NKAIN2: variants seen among roughly 807,000 people sequenced by gnomAD.
The protein encoded by NKAIN2 is sodium/potassium-transporting ATPase subunit beta-1-interacting protein 2.
NKAIN2 carries 14 observed loss-of-function variants against 32.6 expected under a neutral mutation model. That is an observed-to-expected ratio of 0.43 (90% confidence interval 0.28 to 0.67). The LOEUF (loss-of-function observed/expected upper bound fraction) is 0.67, where lower values mean the gene tolerates loss of function less well. Among genes scored for constraint, NKAIN2 ranks in the 30% least tolerant of loss-of-function variants. The pLI, the probability that NKAIN2 is intolerant of heterozygous loss-of-function variation, is 0.17. For synonymous variants in NKAIN2, 80 were observed against 87.2 expected (o/e 0.92, Z 0.46); for missense variants, 198 against 258.3 (o/e 0.77, Z 1.60).
chr6:124,602,221 T>C (rs1057102378), intron 3 of NKAIN2, among the ~76,000 whole-genome samples: 1 of 152,014 alleles, frequency 6.6e-6, no homozygotes, highest in Non-Finnish European at 1.5e-5. Flanking sequence ...TAAACAGAGC[T>C]TCTATCAGTC....
intron 3 of NKAIN2, among the ~76,000 whole-genome samples, chr6:124,489,589 T>G (rs1345368329): frequency 1.3e-5 from 2 of 151,912 alleles, no homozygotes; most frequent in Non-Finnish European, 2.9e-5. Context: ...CAGAAACCTA[T>G]TTTATAATGC....
At position 124,209,115 on chromosome 6, in the gene NKAIN2, C is replaced by T. The variant is rs908441881; in HGVS notation, c.55-73890C>T. On this transcript the variant is annotated intron_variant, in intron 1 of 6. Transcript: ENST00000368417. ...CCAAGAATCATCCCCACTTTATACC[C>T]GCCTCGCCGCTACTCTTCAGAGCCT... Among the ~76,000 whole-genome samples, 67 of 151,252 alleles carry T rather than the reference C, an allele frequency of 4.4e-4. 1 individual carries two copies. The highest frequency in any genetic ancestry group is 1.6e-3 in the African/African-American group (65 of 41,238).
chr6:124,748,869 T>C (rs945950), intron 4 of NKAIN2, among the ~76,000 whole-genome samples: 144,696 of 151,354 alleles, frequency 0.96, 69,465 homozygotes, highest in East Asian at 1. Context: ...AAAAAAGAAG[T>C]GTGCAAGTAT....
chr6:123,979,181 A>G (rs1472732246), intron 1 of NKAIN2, among the ~76,000 whole-genome samples: 2 of 152,164 alleles, frequency 1.3e-5, no homozygotes, highest in Non-Finnish European at 2.9e-5. Context: ...GATCTGGGCA[A>G]TGTGTAACTC....
At chr6:124,367,709 G>T (rs1282253921) in intron 3 of NKAIN2, among the ~76,000 whole-genome samples, 1 of 152,050 alleles carries the variant, frequency 6.6e-6, no homozygotes, top group Non-Finnish European at 1.5e-5. Context: ...AGGGCACAAG[G>T]TGAGTTCTTG....
chr6:124,189,422 C>A (rs766758322), intron 1 of NKAIN2, among the ~76,000 whole-genome samples: 17 of 152,016 alleles, frequency 1.1e-4, no homozygotes, highest in Non-Finnish European at 2.1e-4. Context: ...AAATGCAAGC[C>A]AGGTGCGGTG....
intron 1 of NKAIN2, among the ~76,000 whole-genome samples, chr6:123,984,698 AC>A: frequency 6.6e-6 from 1 of 152,238 alleles, no homozygotes; most frequent in Non-Finnish European, 1.5e-5. Flanking sequence ...TCTTTTATCA[AC>A]TCAATAGATG....
chr6:124,565,297 C>A (rs915948433), intron 3 of NKAIN2, among the ~76,000 whole-genome samples: 5 of 152,192 alleles, frequency 3.3e-5, no homozygotes, highest in Admixed American at 6.5e-5. Flanking sequence ...CAGTGCATTA[C>A]ATTTTACTTG....
chr6:123,965,482 T>G (rs2114622208), intron 1 of NKAIN2, among the ~76,000 whole-genome samples: 1 of 152,272 alleles, frequency 6.6e-6, no homozygotes, highest in South Asian at 2.1e-4. Context: ...CTCCCATTGT[T>G]GTCAACATTA....
chr6:124,335,379 A>G (rs921109224), intron 2 of NKAIN2, among the ~76,000 whole-genome samples: 2 of 152,216 alleles, frequency 1.3e-5, no homozygotes, highest in African/African-American at 4.8e-5. Context: ...ACCAAACACA[A>G]TGAACAGATC....
chr6:123,959,925 A>ATGTGTGTGTGTGTGTGTGTGTG (rs6149793), intron 1 of NKAIN2, among the ~76,000 whole-genome samples: 2 of 141,270 alleles, frequency 1.4e-5, no homozygotes, highest in Non-Finnish European at 1.5e-5. Context: ...TCTTCCATAT[A>ATGTGTGTGTGTGTGTGTGTGTG]TGTGTGTGTG....
At chr6:124,360,128 T>G (rs1192001709) in intron 3 of NKAIN2, among the ~76,000 whole-genome samples, 1 of 152,232 alleles carries the variant, frequency 6.6e-6, no homozygotes, top group Admixed American at 6.5e-5. Flanking sequence ...GAAGCCCACT[T>G]GATCATGGTG....
intron 1 of NKAIN2, among the ~76,000 whole-genome samples, chr6:124,011,015 TTAACTC>T (rs557305244): frequency 1.1e-3 from 166 of 152,302 alleles, no homozygotes; most frequent in Middle Eastern, 3.4e-3. Context: ...TTTTTTTTCT[TTAACTC>T]TAATTCACTG....
intron 1 of NKAIN2, among the ~76,000 whole-genome samples, chr6:124,221,568 GA>G (rs1414890121): frequency 2.0e-5 from 3 of 151,122 alleles, no homozygotes; most frequent in Non-Finnish European, 3.0e-5. Context: ...ATAAGAGAGA[GA>G]AAAAAAAGAA....
At chr6:124,406,940 TTA>T (rs1338908475) in intron 3 of NKAIN2, among the ~76,000 whole-genome samples, 1 of 152,062 alleles carries the variant, frequency 6.6e-6, no homozygotes, top group Non-Finnish European at 1.5e-5. Context: ...TTTCTTATTA[TTA>T]TGTTTATAAT....
chr6:124,000,403 T>G (rs1779828489), intron 1 of NKAIN2, among the ~76,000 whole-genome samples: 1 of 151,928 alleles, frequency 6.6e-6, no homozygotes. Context: ...TAGCTTTTAC[T>G]CAACTATAAA....
At chr6:124,622,302 T>C (rs1318404502) in intron 3 of NKAIN2, among the ~76,000 whole-genome samples, 2 of 152,150 alleles carry the variant, frequency 1.3e-5, no homozygotes, top group African/African-American at 4.8e-5. Flanking sequence ...TGTGAAAAAT[T>C]CAGTGGGAGA....
intron 1 of NKAIN2, among the ~76,000 whole-genome samples, chr6:124,128,490 T>C (rs1449005631): frequency 6.6e-6 from 1 of 152,204 alleles, no homozygotes; most frequent in Non-Finnish European, 1.5e-5. Context: ...TGGCCTAATC[T>C]AAGAACTTTA....
intron 3 of NKAIN2, among the ~76,000 whole-genome samples, chr6:124,656,268 T>C (rs1269622290): frequency 6.6e-6 from 1 of 152,192 alleles, no homozygotes; most frequent in Non-Finnish European, 1.5e-5. Flanking sequence ...CCAAAGTCAC[T>C]ATAGTTTCCA....
Sources: allele counts gnomAD v4.1 joint callset (sites outside exome capture counted in the v4.1 genomes callset), GRCh38; gene constraint gnomAD v4.1.1; transcripts MANE v1.5; gene names NCBI Gene and HGNC (gene_info 2026-07-23, HGNC 2026-07-21).